Variants in SGCZ observed in about 807,000 individuals in gnomAD.
SGCZ encodes zeta-sarcoglycan.
In SGCZ, 40 loss-of-function variants were observed where a neutral mutation model predicts 41.3. The ratio of observed to expected loss-of-function variants is 0.97; its 90% CI spans 0.75 to 1.26. The LOEUF is 1.26. Ranked by LOEUF, SGCZ falls within the 50% of genes most tolerant of loss-of-function variation. The probability of loss-of-function intolerance (pLI) is 0.00; values close to 1 mark genes in which losing one functional copy is unlikely to be tolerated. For missense variants in SGCZ, 552 were observed against 369.8 expected, an observed-to-expected ratio of 1.49 and a Z score of -4.04; for synonymous variants, 206 against 137.5, an observed-to-expected ratio of 1.50 and a Z score of -3.49.
intron 2 of SGCZ, among the ~76,000 whole-genome samples, chr8:14,443,444 T>C (rs1316108025): frequency 6.6e-6 from 1 of 152,112 alleles, no homozygotes; most frequent in Non-Finnish European, 1.5e-5. Context: ...AACAGCATGG[T>C]ACTGGTACCA....
chr8:14,510,255 T>A (rs1802429918), intron 2 of SGCZ, among the ~76,000 whole-genome samples: 1 of 152,148 alleles, frequency 6.6e-6, no homozygotes, highest in African/African-American at 2.4e-5. Flanking sequence ...AGAGGCAGAC[T>A]GGTGGAGTAG....
intron 5 of SGCZ, among the ~76,000 whole-genome samples, chr8:14,140,720 A>G (rs955547526): frequency 1.3e-5 from 2 of 152,172 alleles, no homozygotes; most frequent in African/African-American, 4.8e-5. Flanking sequence ...AGGAAGAATC[A>G]ATATCATGAA....
chr8:14,163,874 T>A (rs914078340), intron 5 of SGCZ, among the ~76,000 whole-genome samples: 20 of 152,184 alleles, frequency 1.3e-4, no homozygotes, highest in Admixed American at 7.2e-4. Flanking sequence ...TCTTGTTTTT[T>A]AAAATGTAGA....
chr8:15,184,508 C>CT (rs910376461), intron 1 of SGCZ, among the ~76,000 whole-genome samples: 34 of 147,016 alleles, frequency 2.3e-4, no homozygotes, highest in South Asian at 6.5e-4. Flanking sequence ...GCATTTTCTC[C>CT]TTTTTTTTTT....
chr8:14,754,846 C>G (rs1438366763), intron 1 of SGCZ, among the ~76,000 whole-genome samples: 4 of 152,082 alleles, frequency 2.6e-5, no homozygotes, highest in African/African-American at 9.7e-5. Context: ...AGGCAAGTCC[C>G]AAGTAGCTGG....
At chr8:15,169,330 T>C (rs1292492483) in intron 1 of SGCZ, among the ~76,000 whole-genome samples, 1 of 152,152 alleles carries the variant, frequency 6.6e-6, no homozygotes, top group Non-Finnish European at 1.5e-5. Context: ...GGTGGGGACT[T>C]GGAAAGTTCA....
At chr8:14,908,618 C>T (rs1033263475) in intron 1 of SGCZ, among the ~76,000 whole-genome samples, 18 of 151,624 alleles carry the variant, frequency 1.2e-4, no homozygotes, top group Admixed American at 7.2e-4. Flanking sequence ...GGCGTGGTGA[C>T]AGGCACCTGT....
chr8:14,607,297 C>T (rs1805782870), intron 1 of SGCZ, among the ~76,000 whole-genome samples: 1 of 152,092 alleles, frequency 6.6e-6, no homozygotes, highest in African/African-American at 2.4e-5. Flanking sequence ...GTTAATTATC[C>T]TTCAGATTGT....
intron 2 of SGCZ, among the ~76,000 whole-genome samples, chr8:14,447,340 A>T (rs1800461742): frequency 6.6e-6 from 1 of 152,214 alleles, no homozygotes; most frequent in Non-Finnish European, 1.5e-5. Flanking sequence ...AAATCAAAAA[A>T]ATACAAATCT....
chr8:14,232,991 T>G (rs144476540), intron 4 of SGCZ, among the ~76,000 whole-genome samples: 1 of 152,176 alleles, frequency 6.6e-6, no homozygotes, highest in African/African-American at 2.4e-5. Flanking sequence ...AACTTCTTCT[T>G]GTTTATGACA....
intron 1 of SGCZ, among the ~76,000 whole-genome samples, chr8:14,698,312 T>A (rs1212298244): frequency 6.6e-6 from 1 of 151,942 alleles, no homozygotes; most frequent in Non-Finnish European, 1.5e-5. Flanking sequence ...CCTTAGGAAA[T>A]TTAAATATAT....
intron 1 of SGCZ, among the ~76,000 whole-genome samples, chr8:15,018,219 A>G (rs888570425): frequency 3.3e-5 from 5 of 152,320 alleles, no homozygotes; most frequent in African/African-American, 1.2e-4. Context: ...CATTCGGCAC[A>G]TGTTTCTAAA....
chr8:14,865,547 T>C (rs1271902003), intron 1 of SGCZ, among the ~76,000 whole-genome samples: 1 of 152,138 alleles, frequency 6.6e-6, no homozygotes, highest in Non-Finnish European at 1.5e-5. Flanking sequence ...TGTTTGTTCT[T>C]GGAATGCAGG....
At chr8:15,132,272 C>T (rs775180373) in intron 1 of SGCZ, among the ~76,000 whole-genome samples, 1 of 152,184 alleles carries the variant, frequency 6.6e-6, no homozygotes. Context: ...CCCGCAGCAT[C>T]ATAATCTTTT....
intron 1 of SGCZ, among the ~76,000 whole-genome samples, chr8:14,937,685 G>A (rs1028055854): frequency 1.3e-5 from 2 of 152,040 alleles, no homozygotes; most frequent in African/African-American, 2.4e-5. Context: ...AATGAATTGT[G>A]TTGAGCTCTT....
chr8:14,624,555 A>ATTTT (rs750064815), intron 1 of SGCZ, among the ~76,000 whole-genome samples: 2 of 96,248 alleles, frequency 2.1e-5, no homozygotes, highest in African/African-American at 4.0e-5. Context: ...TATTATTATT[A>ATTTT]TTTTTTTTTT....
At chr8:14,335,543 C>A (rs1370376272) in intron 2 of SGCZ, among the ~76,000 whole-genome samples, 1 of 152,084 alleles carries the variant, frequency 6.6e-6, no homozygotes, top group African/African-American at 2.4e-5. Flanking sequence ...ACATGGCATA[C>A]TTTCTAAGTT....
intron 1 of SGCZ, among the ~76,000 whole-genome samples, chr8:14,888,094 G>T (rs1485816091): frequency 2.0e-5 from 3 of 152,068 alleles, no homozygotes; most frequent in African/African-American, 7.2e-5. Context: ...TATATAATTT[G>T]TCAAGATGTA....
chr8:15,021,490 A>C (rs1011924669), intron 1 of SGCZ, among the ~76,000 whole-genome samples: 1 of 152,204 alleles, frequency 6.6e-6, no homozygotes. Context: ...CTGACTTCCA[A>C]CTTATAAGTC....
Sources: allele counts gnomAD v4.1 joint callset (sites outside exome capture counted in the v4.1 genomes callset), GRCh38; gene constraint gnomAD v4.1.1; transcripts MANE v1.5; gene names NCBI Gene and HGNC (gene_info 2026-07-23, HGNC 2026-07-21).